Variants in GSTO1 observed in about 807,000 individuals in gnomAD.
GSTO1 encodes the protein glutathione S-transferase omega 1, also known as glutathione S-transferase omega-1.
GSTO1 carries 27 observed loss-of-function variants against 23.8 expected under a neutral mutation model. That is an observed-to-expected ratio of 1.13 (90% CI 0.83 to 1.56). The LOEUF is 1.56. Ranked by LOEUF, GSTO1 falls within the 40% of genes most tolerant of loss-of-function variation. The pLI is 0.00. For missense variants in GSTO1, 255 were observed against 285.8 expected (o/e 0.89, Z 0.78); for synonymous variants, 105 against 109.3 (o/e 0.96, Z 0.25).
At chr10:104,258,001 C>G (rs1467896670) in intron 2 of GSTO1, among the ~76,000 whole-genome samples, 7 of 152,174 alleles carry the variant, frequency 4.6e-5, no homozygotes, top group Admixed American at 2.0e-4. Context: ...TACACAAGAT[C>G]CCACCTTTCG....
intron 5 of GSTO1, 126 bp from the exon 6 acceptor site, chr10:104,267,126 A>G: frequency 1.8e-6 from 1 of 567,988 alleles, no homozygotes; most frequent in South Asian, 3.0e-5. Context: ...GGCATTTTTA[A>G]ATATTTTTAA....
intron 2 of GSTO1, among the ~76,000 whole-genome samples, chr10:104,259,314 A>G (rs1470077497): frequency 1.3e-5 from 2 of 152,244 alleles, no homozygotes; most frequent in South Asian, 4.1e-4. Context: ...ATTCTGCAAT[A>G]TGTGACAACA....
At position 104,263,041 on chromosome 10, in the gene GSTO1, A is replaced by G; in HGVS notation, c.429A>G (p.Lys143=). ...ATAAAGAAGACTATGCTGGCCTAAAAGAAGAATTTCGTAAAGAATTTACCA... is the reference window on the plus strand; with the variant it reads ...ATAAAGAAGACTATGCTGGCCTAAAGGAAGAATTTCGTAAAGAATTTACCA... The part of the protein sequence containing the change: ...SQNKEDYAGL[K]EEFRKEFTKL... The change falls in exon 4 of 6, where the codon AAA becomes AAG. Residue 143 remains lysine (K), a synonymous_variant. Coordinates refer to ENST00000369713, the MANE Select transcript of GSTO1 (RefSeq NM_004832.3). 5 of 1,535,086 alleles carry G rather than the reference A, an allele frequency of 3.3e-6. No homozygotes were observed. Among genetic ancestry groups the G allele is most frequent in the Non-Finnish European group, 4.5e-6 (5 of 1,109,582 alleles).
At chr10:104,258,264 A>T (rs2011110573) in intron 2 of GSTO1, among the ~76,000 whole-genome samples, 1 of 152,186 alleles carries the variant, frequency 6.6e-6, no homozygotes, top group East Asian at 1.9e-4. Context: ...CATTTGGCAA[A>T]TTCAAGGAAT....
intron 3 of GSTO1, among the ~76,000 whole-genome samples, chr10:104,260,785 A>C (rs2011132143): frequency 6.6e-6 from 1 of 152,212 alleles, no homozygotes; most frequent in Admixed American, 6.5e-5. Context: ...TATAGGGAAA[A>C]CATTCTGTTT....
At chr10:104,260,261 G>A (rs1314165722) in intron 3 of GSTO1, among the ~76,000 whole-genome samples, 2 of 152,154 alleles carry the variant, frequency 1.3e-5, no homozygotes, top group East Asian at 1.9e-4. Context: ...AGCTCCTTGA[G>A]GGTGAGGGCT....
chr10:104,259,911 G>A, intron 3 of GSTO1, 113 bp downstream of exon 3: 1 of 691,248 alleles, frequency 1.4e-6, no homozygotes, highest in East Asian at 2.6e-5. Context: ...ACAGGAATAT[G>A]CTTGTCAGCT....
At chr10:104,261,499 C>G (rs2011139419) in intron 3 of GSTO1, among the ~76,000 whole-genome samples, 1 of 151,818 alleles carries the variant, frequency 6.6e-6, no homozygotes, top group East Asian at 1.9e-4. Flanking sequence ...AAGGTTAGGA[C>G]AGTAAAGACA....
At chr10:104,254,801 G>A (rs568912335), upstream of GSTO1, 5 of 871,568 alleles carry the variant, frequency 5.7e-6, no homozygotes, top group South Asian at 7.2e-5. Context: ...TGGAGCTGGC[G>A]GCCGCCGGGG....
intron 3 of GSTO1, among the ~76,000 whole-genome samples, chr10:104,262,039 G>GAC (rs762485560): frequency 5.4e-5 from 8 of 148,714 alleles, no homozygotes; most frequent in Non-Finnish European, 8.8e-5. Context: ...CTTCCTGTCA[G>GAC]ACACACACAT....
At chr10:104,258,612 C>T (rs957826598) in intron 2 of GSTO1, among the ~76,000 whole-genome samples, 2 of 152,144 alleles carry the variant, frequency 1.3e-5, no homozygotes, top group Non-Finnish European at 2.9e-5. Flanking sequence ...CATGGTAGCT[C>T]ACGCCTATAA....
intron 4 of GSTO1, 84 bp from the exon 5 acceptor site, chr10:104,266,000 G>T: frequency 1.4e-6 from 1 of 721,172 alleles, no homozygotes. Flanking sequence ...TCTCTCACCT[G>T]CTCTACTTAT....
At chr10:104,262,581 G>C (rs547159296) in intron 3 of GSTO1, among the ~76,000 whole-genome samples, 1 of 152,278 alleles carries the variant, frequency 6.6e-6, no homozygotes, top group South Asian at 2.1e-4. Context: ...GCGTGGTGGC[G>C]CACGCCCATA....
In GSTO1 at chr10:104,266,176, A is replaced by G; in HGVS notation, c.558A>G (p.Ala186=). ...GGCCCTGGTTTGAACGGCTGGAAGCAATGAAGTTAAATGAGTAAGATATTT... is the reference window on the plus strand; with the variant it reads ...GGCCCTGGTTTGAACGGCTGGAAGCGATGAAGTTAAATGAGTAAGATATTT... ...LIWPWFERLE[A]MKLNECVDHT... The change falls in exon 5 of 6, where the codon GCA becomes GCG. Residue 186 remains alanine (A), a synonymous_variant. Coordinates refer to ENST00000369713, the MANE Select transcript of GSTO1 (RefSeq NM_004832.3). 1 of 1,553,666 alleles carries G rather than the reference A, an allele frequency of 6.4e-7. No homozygotes were observed. The highest frequency in any genetic ancestry group is 8.9e-7 in the Non-Finnish European group (1 of 1,125,068).
chr10:104,254,336 C>A (rs1165250622), upstream of GSTO1: 1 of 155,578 alleles, frequency 6.4e-6, no homozygotes, highest in Non-Finnish European at 1.4e-5. Context: ...AGGTGTGTGG[C>A]CTTTGATCTT....
chr10:104,257,751 T>G (rs1448985477), intron 2 of GSTO1, among the ~76,000 whole-genome samples: 1 of 152,198 alleles, frequency 6.6e-6, no homozygotes, highest in Non-Finnish European at 1.5e-5. Flanking sequence ...TAGTGGATAG[T>G]GGACACAATT....
chr10:104,266,505 G>A (rs1217798328), intron 5 of GSTO1, among the ~76,000 whole-genome samples: 1 of 152,256 alleles, frequency 6.6e-6, no homozygotes, highest in Non-Finnish European at 1.5e-5. Context: ...GGGAGGCCGA[G>A]ACGGGTGGAT....
chr10:104,255,584 G>A (rs2091599372), intron 2 of GSTO1, among the ~76,000 whole-genome samples: 1 of 152,182 alleles, frequency 6.6e-6, no homozygotes, highest in African/African-American at 2.4e-5. Flanking sequence ...AGCTTTGGTA[G>A]GTCACGAATT....
At chr10:104,261,696 T>A (rs778061804) in intron 3 of GSTO1, among the ~76,000 whole-genome samples, 1 of 152,148 alleles carries the variant, frequency 6.6e-6, no homozygotes, top group Non-Finnish European at 1.5e-5. Flanking sequence ...GAAATGTGGA[T>A]GAAAGGGCTG....
Sources: gnomAD v4.1 joint callset for allele counts (sites outside exome capture counted in the v4.1 genomes callset) on GRCh38, gnomAD v4.1.1 for gene constraint, MANE v1.5 for transcripts, NCBI Gene and HGNC (gene_info 2026-07-23, HGNC 2026-07-21) for gene names.